The following CRB1 variants were observed in gnomAD, a reference collection of about 807,000 sequenced individuals.
CRB1 encodes the protein protein crumbs homolog 1.
Under a neutral mutation model 120.0 loss-of-function variants are expected in CRB1, and 83 were observed. The observed-to-expected ratio is 0.69, with a 90% CI of 0.58 to 0.83. CRB1 has a LOEUF of 0.83. Ranked by LOEUF, CRB1 falls within the 40% of genes least tolerant of loss-of-function variation. The probability of loss-of-function intolerance (pLI) is 0.00; values close to 1 mark genes in which losing one functional copy is unlikely to be tolerated. For synonymous variants in CRB1, 625 were observed against 612.5 expected (o/e 1.02, Z -0.30); for missense variants, 1,699 against 1,687.6 (o/e 1.01, Z -0.12).
At chr1:197,214,104 T>TTTTG in the CRB1 span, among the ~76,000 whole-genome samples, 2 of 152,118 alleles carry the variant, frequency 1.3e-5, no homozygotes, top group Non-Finnish European at 2.9e-5. Context: ...TGCGTGGTTT[T>TTTTG]TTTGTTTGTT....
At chr1:197,307,636 A>G (rs764160809) in intron 1 of CRB1, among the ~76,000 whole-genome samples, 1 of 152,184 alleles carries the variant, frequency 6.6e-6, no homozygotes, top group Non-Finnish European at 1.5e-5. Context: ...TTTTGTTTAA[A>G]TTATTTCTAA....
intron 1 of CRB1, among the ~76,000 whole-genome samples, chr1:197,287,146 A>C (rs866211265): frequency 8.6e-5 from 13 of 151,942 alleles, no homozygotes; most frequent in African/African-American, 2.9e-4. Context: ...GGAGCTAATT[A>C]GAAAATAAAG....
intron 1 of CRB1, among the ~76,000 whole-genome samples, chr1:197,313,727 A>G (rs1195748473): frequency 6.6e-6 from 1 of 151,982 alleles, no homozygotes; most frequent in African/African-American, 2.4e-5. Flanking sequence ...GGCTTCTTTC[A>G]CTTAACATAA....
rs137966711 is a variant in CRB1 at position 197,433,498 on chromosome 1, G to A, written c.2843-1208G>A. ...GAAAGTGGTTTTAGTGAAGTGACTG[G>A]GACAAAAGCTTGAGTGGCATATATA... On this transcript the variant is annotated intron_variant, in intron 8 of 11. Coordinates refer to ENST00000367400, the MANE Select transcript of CRB1 (RefSeq NM_201253.3). Among the ~76,000 whole-genome samples, 109 of 152,106 alleles carry A rather than the reference G, an allele frequency of 7.2e-4. No individual in the cohort carries two copies. In the East Asian group the frequency reaches 0.02, roughly 28 times the overall value.
chr1:197,465,085 G>A (rs1187690801), intron 11 of CRB1, among the ~76,000 whole-genome samples: 1 of 152,100 alleles, frequency 6.6e-6, no homozygotes, highest in Non-Finnish European at 1.5e-5. Context: ...CCTATGTACT[G>A]TATATAACAC....
the CRB1 span, among the ~76,000 whole-genome samples, chr1:197,211,570 A>G: frequency 3.3e-5 from 5 of 152,244 alleles, no homozygotes; most frequent in African/African-American, 4.8e-5. Context: ...TAAGCTAGTT[A>G]CTTCTGGTCC....
chr1:197,453,603 G>T (rs1666095498), intron 11 of CRB1, among the ~76,000 whole-genome samples: 1 of 135,496 alleles, frequency 7.4e-6, no homozygotes, highest in Admixed American at 7.9e-5. Context: ...GAGAGACAAG[G>T]TCTTGCTCTG....
In CRB1 at chr1:197,421,132, G is replaced by A. The variant is rs1296758524; in HGVS notation, c.1304G>A (p.Gly435Glu). The change falls in exon 6 of 12, where the codon GGA becomes GAA. Residue 435 changes from glycine (G) to glutamate (E), a missense_variant. Gly to Glu is a moderately conservative substitution (Grantham distance 98, BLOSUM62 -2). Coordinates refer to ENST00000367400, the MANE Select transcript of CRB1 (RefSeq NM_201253.3). ...AACCTTTCTAGAACTTTTTATGGAG[G>A]AAGGGACTGTTCTGATATTCTCCTG... ...FDNLSRTFYGGRDCSDILLGC... is the reference protein window; with the variant it reads ...FDNLSRTFYGERDCSDILLGC... 1 of 1,614,170 alleles carries A rather than the reference G, an allele frequency of 6.2e-7. No homozygotes were observed. Among genetic ancestry groups the A allele is most frequent in the Non-Finnish European group, 8.5e-7 (1 of 1,180,000 alleles).
intron 5 of CRB1, among the ~76,000 whole-genome samples, chr1:197,364,305 T>C (rs1660947800): frequency 6.6e-6 from 1 of 152,242 alleles, no homozygotes; most frequent in South Asian, 2.1e-4. Flanking sequence ...CTAACTGCTT[T>C]CAGTATTTTT....
intron 1 of CRB1, among the ~76,000 whole-genome samples, chr1:197,290,305 T>TGTGTG (rs1571775751): frequency 4.0e-5 from 6 of 149,476 alleles, no homozygotes; most frequent in South Asian, 4.3e-4. Flanking sequence ...TGTGTGTGTG[T>TGTGTG]TTGAAGAGAA....
In CRB1 at chr1:197,268,361, A is replaced by G; in HGVS notation, c.-52A>G. 1 of 1,363,340 alleles carries G rather than the reference A, an allele frequency of 7.3e-7. No individual in the cohort carries two copies. The highest frequency in any genetic ancestry group is 1.4e-5 in the African/African-American group (1 of 69,878). The allele number at this position is 1,363,340 out of a possible 1,614,324, so 84.5% of individuals were successfully genotyped here. ...GAGACAGACAGGGATCAGGAGCCGG[A>G]CTGGGACCAGACCACCAGCAACACA... On this transcript the variant is annotated 5_prime_UTR_variant, in exon 1 of 12. Coordinates refer to ENST00000367400, the MANE Select transcript of CRB1 (RefSeq NM_201253.3).
chr1:197,209,812 A>T, the CRB1 span, among the ~76,000 whole-genome samples: 7 of 152,326 alleles, frequency 4.6e-5, no homozygotes, highest in East Asian at 1.2e-3. Context: ...TCTCAGCTCC[A>T]GGTAAGTCCA....
the CRB1 span, among the ~76,000 whole-genome samples, chr1:197,253,425 A>T: frequency 6.6e-6 from 1 of 152,224 alleles, no homozygotes; most frequent in East Asian, 1.9e-4. Context: ...TTTTTAACAC[A>T]GTGTATCATT....
At chr1:197,456,106 G>A (rs1666273344) in intron 11 of CRB1, among the ~76,000 whole-genome samples, 1 of 152,008 alleles carries the variant, frequency 6.6e-6, no homozygotes. Flanking sequence ...ATAATCCTAT[G>A]CTGATAACAA....
At chr1:197,305,965 G>A (rs1457078623) in intron 1 of CRB1, among the ~76,000 whole-genome samples, 1 of 151,872 alleles carries the variant, frequency 6.6e-6, no homozygotes, top group Non-Finnish European at 1.5e-5. Context: ...TCTCAATTCT[G>A]GGAATATCTT....
the CRB1 span, chr1:197,223,076 G>T: frequency 1.3e-6 from 1 of 792,986 alleles, no homozygotes; most frequent in East Asian, 2.4e-5. Flanking sequence ...GAAGAACCCA[G>T]CAAGTCCCTA....
At chr1:197,270,609 T>C (rs1319436045) in intron 1 of CRB1, among the ~76,000 whole-genome samples, 1 of 152,184 alleles carries the variant, frequency 6.6e-6, no homozygotes, top group Non-Finnish European at 1.5e-5. Flanking sequence ...AGATAAACAC[T>C]ATGAGCTTTA....
chr1:197,249,866 CT>C, the CRB1 span, among the ~76,000 whole-genome samples: 1 of 151,924 alleles, frequency 6.6e-6, no homozygotes, highest in Non-Finnish European at 1.5e-5. Context: ...TAGAAAAGTA[CT>C]TCGTGAATTT....
At chr1:197,281,041 T>C (rs1051230319) in intron 1 of CRB1, among the ~76,000 whole-genome samples, 1 of 151,864 alleles carries the variant, frequency 6.6e-6, no homozygotes, top group African/African-American at 2.4e-5. Context: ...AAAAATCAAT[T>C]TAAAAAATAA....
Sources: allele counts gnomAD v4.1 joint callset (sites outside exome capture counted in the v4.1 genomes callset), GRCh38; gene constraint gnomAD v4.1.1; transcripts MANE v1.5; gene names NCBI Gene and HGNC (gene_info 2026-07-23, HGNC 2026-07-21).